IMMP2L: variants seen among roughly 807,000 people sequenced by gnomAD.
IMMP2L encodes inner mitochondrial membrane peptidase subunit 2.
In IMMP2L, 18 loss-of-function variants were observed where a neutral mutation model predicts 19.3. That is an observed-to-expected ratio of 0.93 (90% CI 0.64 to 1.38). The LOEUF is 1.38. Ranked by LOEUF, IMMP2L falls within the 40% of genes most tolerant of loss-of-function variation. The pLI, the probability that IMMP2L is intolerant of heterozygous loss-of-function variation, is 0.00. For missense variants in IMMP2L, 233 were observed against 218.2 expected (o/e 1.07, Z -0.43); for synonymous variants, 76 against 73.0 (o/e 1.04, Z -0.21).
intron 5 of IMMP2L, among the ~76,000 whole-genome samples, chr7:110,849,186 G>A (rs1433019545): frequency 1.3e-5 from 2 of 152,032 alleles, no homozygotes; most frequent in Admixed American, 1.3e-4. Flanking sequence ...GAGGATATAT[G>A]AGAACTCTGT....
rs73192815 is a variant in IMMP2L at position 110,728,241 on chromosome 7, G to A, written c.409-64520C>T. Among the ~76,000 whole-genome samples the A allele has an allele frequency of 0.039, 5,943 of 152,252 alleles. 145 individuals carry two copies. The highest frequency in any genetic ancestry group is 0.088 in the Middle Eastern group (26 of 294). ...CGACTGGGAGTGGTGGTTCACGCCT[G>A]TAATCCCAGCAGGTTGGGAAGCCAA... On this transcript the variant is annotated intron_variant, in intron 5 of 5. Coordinates refer to ENST00000405709, the MANE Select transcript of IMMP2L (RefSeq NM_032549.4). This position sits in a 1 kb window ranked among gnomAD's most constrained non-coding sequence, Gnocchi z 4.6.
At chr7:110,999,271 T>C (rs994578214) in intron 3 of IMMP2L, among the ~76,000 whole-genome samples, 3 of 151,894 alleles carry the variant, frequency 2.0e-5, no homozygotes, top group Non-Finnish European at 2.9e-5. Flanking sequence ...GGTCTGGAAA[T>C]GGTCTGCTAC....
intron 5 of IMMP2L, among the ~76,000 whole-genome samples, chr7:110,739,199 T>G (rs756782607): frequency 6.6e-6 from 1 of 152,114 alleles, no homozygotes; most frequent in East Asian, 1.9e-4. Context: ...ATGAGTAGAA[T>G]AGTACCTCAC....
At chr7:110,740,514 C>G (rs1796926064) in intron 5 of IMMP2L, among the ~76,000 whole-genome samples, 2 of 152,054 alleles carry the variant, frequency 1.3e-5, no homozygotes, top group Middle Eastern at 6.8e-3. Flanking sequence ...CTAGATTAAA[C>G]CAGGAAAGCA....
intron 3 of IMMP2L, among the ~76,000 whole-genome samples, chr7:111,432,948 A>G (rs1466961885): frequency 1.3e-5 from 2 of 151,148 alleles, no homozygotes; most frequent in Admixed American, 6.6e-5. Flanking sequence ...CCCACTTCCA[A>G]CAGCTACAAA....
At chr7:110,897,581 A>C (rs1291343591) in intron 4 of IMMP2L, among the ~76,000 whole-genome samples, 2 of 152,154 alleles carry the variant, frequency 1.3e-5, no homozygotes, top group Non-Finnish European at 2.9e-5. Context: ...AGATCTAGCA[A>C]TTCTGCTCCT....
At chr7:110,691,621 T>A (rs1562919496) in intron 5 of IMMP2L, among the ~76,000 whole-genome samples, 1 of 150,498 alleles carries the variant, frequency 6.6e-6, no homozygotes, top group Admixed American at 6.6e-5. Context: ...AAGAAAAAAA[T>A]AAAAAATCCT....
chr7:111,143,766 T>C (rs1435460893), intron 3 of IMMP2L, among the ~76,000 whole-genome samples: 2 of 152,170 alleles, frequency 1.3e-5, no homozygotes, highest in African/African-American at 4.8e-5. Flanking sequence ...AATCTCAGGA[T>C]ATTTATTGTG....
At chr7:111,449,149 ATTCC>A (rs1178320852) in intron 3 of IMMP2L, among the ~76,000 whole-genome samples, 1 of 149,000 alleles carries the variant, frequency 6.7e-6, no homozygotes, top group East Asian at 2.0e-4. Flanking sequence ...AACTGGTACC[ATTCC>A]TTCTGAAACT....
chr7:111,212,610 A>G (rs1811448448), intron 3 of IMMP2L, among the ~76,000 whole-genome samples: 1 of 152,098 alleles, frequency 6.6e-6, no homozygotes, highest in African/African-American at 2.4e-5. Context: ...GACCCTGTCC[A>G]CTACCACCCA....
At chr7:111,219,777 G>GTT (rs57925200) in intron 3 of IMMP2L, among the ~76,000 whole-genome samples, 10 of 151,558 alleles carry the variant, frequency 6.6e-5, no homozygotes, top group Middle Eastern at 6.8e-3. Context: ...AATTAATCAT[G>GTT]TTTTTTTACC....
chr7:111,155,540 TA>T (rs1038042381), intron 3 of IMMP2L, among the ~76,000 whole-genome samples: 116 of 152,154 alleles, frequency 7.6e-4, no homozygotes, highest in African/African-American at 2.6e-3. Flanking sequence ...ATGTGGTCAA[TA>T]AAAATTTTTT....
intron 3 of IMMP2L, among the ~76,000 whole-genome samples, chr7:111,386,760 C>T (rs1189480396): frequency 6.6e-6 from 1 of 152,192 alleles, no homozygotes; most frequent in Non-Finnish European, 1.5e-5. Flanking sequence ...TGTGTGCTCC[C>T]TGTGTTCCTT....
Position 110,928,630 on chromosome 7 carries a change from C to T in IMMP2L, c.305+34870G>A, listed in dbSNP as rs138893001. ...GAAACAGACAAACATAGAAAGAAAA[C>T]AAAGATACTTTCATAACAACACTCC... On this transcript the variant is annotated intron_variant, in intron 4 of 5. Transcript: ENST00000405709. 9.2e-5 allele frequency among the ~76,000 whole-genome samples: 14 copies of T among 151,926 alleles called. No individual in the cohort carries two copies. In the East Asian group the frequency reaches 2.7e-3, roughly 29 times the overall value.
At chr7:111,445,604 C>A (rs1563200616) in intron 3 of IMMP2L, among the ~76,000 whole-genome samples, 2 of 152,130 alleles carry the variant, frequency 1.3e-5, no homozygotes, top group Non-Finnish European at 2.9e-5. Flanking sequence ...CAAATATATT[C>A]TAACGTTCTA....
intron 5 of IMMP2L, among the ~76,000 whole-genome samples, chr7:110,848,350 A>G (rs1318716160): frequency 6.6e-6 from 1 of 152,174 alleles, no homozygotes; most frequent in East Asian, 1.9e-4. Context: ...AATTAAAACA[A>G]CAATGAGATA....
rs897270108 is a variant in IMMP2L, at chr7:110,839,071, A to G, written c.408+47522T>C. On this transcript the variant is annotated intron_variant, in intron 5 of 5. Coordinates refer to ENST00000405709, the MANE Select transcript of IMMP2L (RefSeq NM_032549.4). ...TAGTTTAACAACAAATTTCAGTGCT[A>G]TTGTTTGACCCTTAAATTTCTTCAT... Among the ~76,000 whole-genome samples the G allele has an allele frequency of 5.3e-5, 8 of 152,092 alleles. No homozygotes were observed. In the South Asian group the frequency reaches 1.7e-3, roughly 31 times the overall value.
intron 3 of IMMP2L, among the ~76,000 whole-genome samples, chr7:111,224,205 G>C (rs1697323852): frequency 6.6e-6 from 1 of 152,040 alleles, no homozygotes; most frequent in Non-Finnish European, 1.5e-5. Context: ...GAAGTGCTTT[G>C]TGAACTGAAA....
intron 3 of IMMP2L, among the ~76,000 whole-genome samples, chr7:111,351,668 G>A (rs1315662954): frequency 6.6e-6 from 1 of 152,028 alleles, no homozygotes; most frequent in East Asian, 1.9e-4. Context: ...TTAAATAAGT[G>A]GCTATAATGT....
Sources: gnomAD v4.1 joint callset for allele counts (sites outside exome capture counted in the v4.1 genomes callset) on GRCh38, gnomAD v4.1.1 for gene constraint, Gnocchi (gnomAD v3.1) non-coding constraint, MANE v1.5 for transcripts, NCBI Gene and HGNC (gene_info 2026-07-23, HGNC 2026-07-21) for gene names.